NIBAN1: variants seen among roughly 807,000 people sequenced by gnomAD.
The protein encoded by NIBAN1 is protein Niban 1.
A neutral mutation model predicts 75.1 loss-of-function variants in NIBAN1; 81 were observed. That is an observed-to-expected ratio of 1.08 (90% CI 0.90 to 1.30). NIBAN1 has a LOEUF of 1.30. Ranked by LOEUF, NIBAN1 falls within the 50% of genes most tolerant of loss-of-function variation. NIBAN1 has a pLI of 0.00. For synonymous variants in NIBAN1, 436 were observed against 424.8 expected, an observed-to-expected ratio of 1.03 and a Z score of -0.32; for missense variants, 1,133 against 1,128.1, an observed-to-expected ratio of 1.00 and a Z score of -0.06.
intron 4 of NIBAN1, among the ~76,000 whole-genome samples, chr1:184,886,019 C>G (rs1168989638): frequency 6.6e-6 from 1 of 152,164 alleles, no homozygotes; most frequent in Non-Finnish European, 1.5e-5. Flanking sequence ...AGTCTGTACC[C>G]TCCCAGGGTG....
intron 10 of NIBAN1, 85 bp from the exon 11 acceptor site, chr1:184,806,141 G>A (rs1227815484): frequency 2.9e-6 from 3 of 1,047,638 alleles, no homozygotes; most frequent in Non-Finnish European, 2.9e-6. Context: ...GGACTGCAGA[G>A]TAGGGGCCAT....
In NIBAN1 at chr1:184,808,169, T is replaced by C; in HGVS notation, c.1240A>G (p.Asn414Asp). The C allele has an allele frequency of 1.2e-6, 2 of 1,614,110 alleles. No individual in the cohort carries two copies. The highest frequency in any genetic ancestry group is 1.7e-6 in the Non-Finnish European group (2 of 1,180,022). The change falls in exon 10 of 14, where the codon AAC becomes GAC. Residue 414 changes from asparagine (N) to aspartate (D), a missense_variant. Asn to Asp is a conservative substitution (Grantham distance 23, BLOSUM62 1). Coordinates refer to ENST00000367511, the MANE Select transcript of NIBAN1 (RefSeq NM_052966.4). ...VKMEPCYTKV[N>D]LLHERLQDLK... ...TCCTGCAGGCGCTCGTGAAGCAGGT[T>C]GACTTTAGTATAACAAGGTTCCATC...
At chr1:184,853,952 A>G (rs1655610928) in intron 5 of NIBAN1, among the ~76,000 whole-genome samples, 1 of 152,238 alleles carries the variant, frequency 6.6e-6, no homozygotes, top group Non-Finnish European at 1.5e-5. Context: ...CCATGTATGC[A>G]ATTTTAAATT....
At chr1:184,806,200 C>G in intron 10 of NIBAN1, 144 bp from the exon 11 acceptor site, 1 of 611,742 alleles carries the variant, frequency 1.6e-6, no homozygotes. Flanking sequence ...CCCAAGGCAA[C>G]ATCACCCCAT....
chr1:184,900,870 A>G (rs557184754), intron 1 of NIBAN1, among the ~76,000 whole-genome samples: 4 of 152,372 alleles, frequency 2.6e-5, no homozygotes, highest in Admixed American at 2.6e-4. Context: ...ATTCCAAAAT[A>G]TTTTAAAGTA....
chr1:184,805,258 A>T (rs1654163801), intron 11 of NIBAN1, among the ~76,000 whole-genome samples: 1 of 152,200 alleles, frequency 6.6e-6, no homozygotes, highest in South Asian at 2.1e-4. Context: ...AAATTAGTGG[A>T]CTAGGTGTAT....
chr1:184,906,764 T>C (rs1168545189), intron 1 of NIBAN1, among the ~76,000 whole-genome samples: 1 of 152,256 alleles, frequency 6.6e-6, no homozygotes, highest in African/African-American at 2.4e-5. Flanking sequence ...TTGGCTTATC[T>C]GTTTTCCTTA....
chr1:184,894,099 A>G lies in NIBAN1; in HGVS notation c.294T>C (p.Ala98=), dbSNP rs761571287. The change falls in exon 3 of 14, where the codon GCT becomes GCC. Residue 98 remains alanine, a synonymous_variant. Transcript: ENST00000367511. ...ERYVVVKNDY[A]VESYENKEAY... Reference sequence around the variant, plus strand: ...CCTCTTTATTCTCATAGCTCTCCACAGCATAATCATTTTTAACTACAACGT... The same window carrying G: ...CCTCTTTATTCTCATAGCTCTCCACGGCATAATCATTTTTAACTACAACGT... 4 of 1,610,660 alleles carry G rather than the reference A, an allele frequency of 2.5e-6. No individual in the cohort carries two copies. In the South Asian group the frequency reaches 3.3e-5, roughly 13 times the overall value.
intron 5 of NIBAN1, among the ~76,000 whole-genome samples, chr1:184,876,176 G>GAA (rs1218039435): frequency 2.0e-5 from 2 of 102,498 alleles, no homozygotes; most frequent in African/African-American, 3.6e-5. Flanking sequence ...TTCGTCTCCA[G>GAA]AAAAAAAAAA....
intron 6 of NIBAN1, among the ~76,000 whole-genome samples, chr1:184,831,498 CCT>C (rs1482141457): frequency 6.6e-6 from 1 of 152,094 alleles, no homozygotes; most frequent in African/African-American, 2.4e-5. Context: ...TAGCTAAAGC[CCT>C]GTCATGCACT....
At chr1:184,898,626 TAA>T (rs1656867287) in intron 2 of NIBAN1, among the ~76,000 whole-genome samples, 1 of 152,090 alleles carries the variant, frequency 6.6e-6, no homozygotes, top group South Asian at 2.1e-4. Flanking sequence ...AAAAATAAAA[TAA>T]GACTCGCTTT....
intron 1 of NIBAN1, among the ~76,000 whole-genome samples, chr1:184,925,533 C>G (rs1017141328): frequency 6.6e-6 from 1 of 151,762 alleles, no homozygotes; most frequent in Non-Finnish European, 1.5e-5. Flanking sequence ...TGATTTTTCT[C>G]CAGTGGTGTT....
chr1:184,924,169 A>T (rs1415515704), intron 1 of NIBAN1, among the ~76,000 whole-genome samples: 1 of 151,840 alleles, frequency 6.6e-6, no homozygotes, highest in Non-Finnish European at 1.5e-5. Flanking sequence ...AGAGGAAAGG[A>T]TTTCATGTGG....
chr1:184,913,000 GTGA>G (rs1354390573), intron 1 of NIBAN1, among the ~76,000 whole-genome samples: 2 of 151,980 alleles, frequency 1.3e-5, no homozygotes, highest in African/African-American at 2.4e-5. Context: ...AGCCCTCCAA[GTGA>G]TTATGATCCA....
Position 184,941,373 on chromosome 1 carries a change from G to A in NIBAN1, c.55+32929C>T, listed in dbSNP as rs368424982. ...TCATTTAAAGAATGTGGGAGAGCCG[G>A]GTGCAGTGGTTCACACCTATAATCC... On this transcript the variant is annotated intron_variant, in intron 1 of 13. Transcript: ENST00000367511. Among the ~76,000 whole-genome samples the A allele has an allele frequency of 3.7e-4, 56 of 152,220 alleles. No individual in the cohort carries two copies. In the South Asian group the frequency reaches 0.01, roughly 28 times the overall value.
intron 8 of NIBAN1, among the ~76,000 whole-genome samples, chr1:184,820,591 T>G (rs1255903135): frequency 1.3e-5 from 2 of 152,266 alleles, no homozygotes; most frequent in Non-Finnish European, 2.9e-5. Flanking sequence ...CATTCGTGTA[T>G]GCACTGCTAT....
intron 1 of NIBAN1, among the ~76,000 whole-genome samples, chr1:184,923,820 T>C (rs1657617786): frequency 6.6e-6 from 1 of 152,154 alleles, no homozygotes; most frequent in African/African-American, 2.4e-5. Context: ...TTAATTTTAT[T>C]AGCATCTATT....
At position 184,818,850 on chromosome 1, in the gene NIBAN1, C is replaced by A. The variant is rs762425902; in HGVS notation, c.986-25G>T. ...GCTGAGGTAGGAAATAGCCAAAAAA[C>A]CGTGACATATGGCAAAACTGGGTTT... On this transcript the variant is annotated intron_variant, in intron 8 of 13. Coordinates refer to ENST00000367511, the MANE Select transcript of NIBAN1 (RefSeq NM_052966.4). 1.3e-5 allele frequency: 20 copies of A among 1,557,984 alleles called. No individual in the cohort carries two copies. In the African/African-American group the frequency reaches 2.3e-4, roughly 18 times the overall value.
chr1:184,827,953 G>GTTTTTTTT (rs1174066517), intron 6 of NIBAN1, among the ~76,000 whole-genome samples: 26 of 100,234 alleles, frequency 2.6e-4, no homozygotes, highest in East Asian at 5.8e-4. Context: ...GGGTAGTTTT[G>GTTTTTTTT]TTTTTTGTTT....
Sources: gnomAD v4.1 joint callset for allele counts (sites outside exome capture counted in the v4.1 genomes callset) on GRCh38, gnomAD v4.1.1 for gene constraint, MANE v1.5 for transcripts, NCBI Gene and HGNC (gene_info 2026-07-23, HGNC 2026-07-21) for gene names.